Variants in FMN1 observed in about 807,000 individuals in gnomAD.
The protein encoded by FMN1 is formin-1.
In FMN1, 110 loss-of-function variants were observed where a neutral mutation model predicts 132.4. That is an observed-to-expected ratio of 0.83 (90% confidence interval 0.71 to 0.97). The LOEUF is 0.97. FMN1 is among the 50% of genes least tolerant of loss of function. The pLI is 0.00. For missense variants in FMN1, 1,792 were observed against 1,705.3 expected (o/e 1.05, Z -0.90); for synonymous variants, 722 against 651.7 (o/e 1.11, Z -1.64).
chr15:32,858,655 G>C (rs1359095069), intron 16 of FMN1, among the ~76,000 whole-genome samples: 2 of 152,178 alleles, frequency 1.3e-5, no homozygotes, highest in Admixed American at 6.5e-5. Flanking sequence ...TGTCCGTTGG[G>C]AGGCAAAGAC....
At chr15:33,048,606 A>T (rs1360480347) in intron 6 of FMN1, among the ~76,000 whole-genome samples, 1 of 132,826 alleles carries the variant, frequency 7.5e-6, no homozygotes, top group Non-Finnish European at 1.6e-5. Context: ...GCTGATAAAG[A>T]TACACTCGAG....
intron 4 of FMN1, among the ~76,000 whole-genome samples, chr15:33,094,703 A>C (rs1302460495): frequency 2.0e-5 from 3 of 152,226 alleles, no homozygotes; most frequent in African/African-American, 7.2e-5. Context: ...ATTTTAAGGA[A>C]GTATATAAAT....
chr15:33,024,134 A>T (rs2035553283), intron 6 of FMN1, among the ~76,000 whole-genome samples: 1 of 152,102 alleles, frequency 6.6e-6, no homozygotes, highest in South Asian at 2.1e-4. Flanking sequence ...TGGCTAATAA[A>T]CATATAAACA....
chr15:33,029,770 G>T (rs932274854), intron 6 of FMN1, among the ~76,000 whole-genome samples: 2 of 152,192 alleles, frequency 1.3e-5, no homozygotes, highest in Admixed American at 6.5e-5. Flanking sequence ...CTGGAGTTAA[G>T]CCCCTGAGGA....
chr15:33,046,334 G>A (rs2036683110), intron 6 of FMN1, among the ~76,000 whole-genome samples: 1 of 144,786 alleles, frequency 6.9e-6, no homozygotes, highest in African/African-American at 2.6e-5. Flanking sequence ...GCACTGAAGT[G>A]CATTTGAAAA....
chr15:32,805,729 C>T (rs904865445), intron 17 of FMN1, among the ~76,000 whole-genome samples: 2 of 152,202 alleles, frequency 1.3e-5, no homozygotes, highest in Admixed American at 6.5e-5. Flanking sequence ...CATCATGTTC[C>T]CCCTTACTCT....
intron 7 of FMN1, among the ~76,000 whole-genome samples, chr15:32,998,544 G>A (rs558978016): frequency 6.6e-6 from 1 of 152,168 alleles, no homozygotes; most frequent in South Asian, 2.1e-4. Flanking sequence ...AGAATTTACA[G>A]AATTATTGAG....
chr15:32,826,156 G>C (rs975355247), intron 17 of FMN1, among the ~76,000 whole-genome samples: 2 of 152,204 alleles, frequency 1.3e-5, no homozygotes, highest in Non-Finnish European at 2.9e-5. Flanking sequence ...TTAGCAGTGG[G>C]GTCCCTAGAG....
At chr15:32,824,170 C>T (rs536564724) in intron 17 of FMN1, among the ~76,000 whole-genome samples, 17 of 152,196 alleles carry the variant, frequency 1.1e-4, no homozygotes, top group South Asian at 2.1e-4. Context: ...TCTTTGGTCA[C>T]GTTATTATTA....
At chr15:32,779,359 G>A (rs934717960) in intron 19 of FMN1, among the ~76,000 whole-genome samples, 2 of 152,142 alleles carry the variant, frequency 1.3e-5, no homozygotes, top group Non-Finnish European at 2.9e-5. Flanking sequence ...CATTAATTCA[G>A]CATGATAGTA....
chr15:32,964,435 A>C (rs2030984017), intron 8 of FMN1, among the ~76,000 whole-genome samples, 178 bp from the exon 9 acceptor site: 3 of 152,232 alleles, frequency 2.0e-5, no homozygotes, highest in African/African-American at 4.8e-5. Context: ...AAAATATACT[A>C]TAGAACATTA....
intron 3 of FMN1, among the ~76,000 whole-genome samples, chr15:33,172,037 G>A (rs140009442): frequency 2.0e-3 from 302 of 151,952 alleles, no homozygotes; most frequent in Non-Finnish European, 3.2e-3. Flanking sequence ...GTGAAACCCC[G>A]TCTCTACTAA....
intron 9 of FMN1, among the ~76,000 whole-genome samples, chr15:32,949,815 G>A (rs1384245989): frequency 6.7e-6 from 1 of 150,174 alleles, no homozygotes; most frequent in Middle Eastern, 3.2e-3. Context: ...ATTTGACAAA[G>A]GTTGAATATC....
Position 32,934,659 on chromosome 15 carries a change from T to G in FMN1, c.3139-8398A>C, listed in dbSNP as rs188824623. 2.7e-5 allele frequency among the ~76,000 whole-genome samples: 4 copies of G among 145,492 alleles called. No individual in the cohort carries two copies. The East Asian group carries it at 8.1e-4, about 29-fold the overall frequency. ...TCTCACTCTGTCACCCAGGCTGGAG[T>G]GCAATGGCGCAATCTTGGCTCACTG... On this transcript the variant is annotated intron_variant, in intron 9 of 20. Transcript: ENST00000616417.
intron 5 of FMN1, among the ~76,000 whole-genome samples, chr15:33,082,637 T>A (rs1428023259): frequency 3.9e-5 from 6 of 152,112 alleles, no homozygotes; most frequent in Non-Finnish European, 7.4e-5. Flanking sequence ...ATAAATCTGG[T>A]TGAAAGTGCC....
chr15:32,971,397 A>C (rs2031778627), intron 7 of FMN1, among the ~76,000 whole-genome samples: 1 of 152,204 alleles, frequency 6.6e-6, no homozygotes, highest in Non-Finnish European at 1.5e-5. Context: ...CAAATACCAA[A>C]GTTTACCTAG....
chr15:32,777,467 G>C (rs371226653), intron 19 of FMN1, among the ~76,000 whole-genome samples: 4 of 113,440 alleles, frequency 3.5e-5, no homozygotes, highest in Non-Finnish European at 5.9e-5. Flanking sequence ...TATATATTAC[G>C]TATATTTATA....
chr15:32,926,752 T>C (rs569070172), intron 9 of FMN1, among the ~76,000 whole-genome samples: 5 of 152,278 alleles, frequency 3.3e-5, no homozygotes, highest in Non-Finnish European at 5.9e-5. Flanking sequence ...CCTCTATGAA[T>C]TGATTTCCTC....
At chr15:32,898,446 A>T (rs995692652) in intron 15 of FMN1, among the ~76,000 whole-genome samples, 1 of 152,204 alleles carries the variant, frequency 6.6e-6, no homozygotes, top group African/African-American at 2.4e-5. Flanking sequence ...CATTACTGAT[A>T]AAATATTGGG....
Sources: allele counts gnomAD v4.1 joint callset (sites outside exome capture counted in the v4.1 genomes callset), GRCh38; gene constraint gnomAD v4.1.1; transcripts MANE v1.5; gene names NCBI Gene and HGNC (gene_info 2026-07-23, HGNC 2026-07-21).